Variants in GML observed in about 807,000 individuals in gnomAD.
GML encodes glycosylphosphatidylinositol anchored molecule like.
A neutral mutation model predicts 8.2 loss-of-function variants in GML; 5 were observed. The observed-to-expected ratio is 0.61, with a 90% CI of 0.32 to 1.28. The LOEUF (loss-of-function observed/expected upper bound fraction) is 1.28, where lower values mean the gene tolerates loss of function less well. GML is among the 50% of genes most tolerant of loss of function. The probability of loss-of-function intolerance (pLI) is 0.06; values close to 1 mark genes in which losing one functional copy is unlikely to be tolerated. For missense variants in GML, 191 were observed against 198.3 expected (o/e 0.96, Z 0.22); for synonymous variants, 72 against 69.0 (o/e 1.04, Z -0.22).
intron 1 of GML, among the ~76,000 whole-genome samples, chr8:142,837,584 A>G (rs1309433906): frequency 6.6e-6 from 1 of 150,622 alleles, no homozygotes; most frequent in Non-Finnish European, 1.5e-5. Context: ...TGGTCTCCCT[A>G]CCTGGCACTC....
intron 1 of GML, among the ~76,000 whole-genome samples, chr8:142,836,472 TTC>T (rs1816343458): frequency 1.3e-5 from 2 of 152,266 alleles, no homozygotes; most frequent in Admixed American, 1.3e-4. Flanking sequence ...AGTAATCTTT[TTC>T]TCTTTAATGC....
intron 3 of GML, among the ~76,000 whole-genome samples, chr8:142,846,093 C>A (rs1368571347): frequency 1.3e-5 from 2 of 152,136 alleles, no homozygotes; most frequent in African/African-American, 2.4e-5. Flanking sequence ...ATGAACAGGA[C>A]ATTTCATTGC....
intron 1 of GML, among the ~76,000 whole-genome samples, chr8:142,835,994 T>C (rs1348313500): frequency 6.6e-6 from 1 of 152,266 alleles, no homozygotes; most frequent in Non-Finnish European, 1.5e-5. Context: ...TCTGAAGCCA[T>C]CTTAAGCTTA....
Position 142,840,459 on chromosome 8 carries a change from C to T in GML, c.22C>T (p.Leu8=). Residue 8 remains leucine, a synonymous_variant, in exon 2 of 4, where the codon CTA becomes TTA. Transcript: ENST00000220940. ...AGTGATGCTCCTCTTTGCCTTACTC[C>T]TAGCCATGGAGCTCCCATTGGTGGC... The part of the protein sequence containing the change: MLLFALL[L]AMELPLVAAS... The T allele has an allele frequency of 6.2e-7, 1 of 1,613,756 alleles. No homozygotes were observed. The highest frequency in any genetic ancestry group is 1.3e-5 in the African/African-American group (1 of 75,056).
chr8:142,846,354 A>G, intron 3 of GML, 41 bp from the exon 4 acceptor site: 1 of 1,352,972 alleles, frequency 7.4e-7, no homozygotes, highest in Non-Finnish European at 1.0e-6. Flanking sequence ...ACAAGCAGAA[A>G]ATGTGAAATC....
intron 3 of GML, among the ~76,000 whole-genome samples, chr8:142,845,589 G>T (rs1816493934): frequency 2.6e-5 from 4 of 152,180 alleles, no homozygotes; most frequent in Admixed American, 2.0e-4. Context: ...GTAAACACTG[G>T]ATAGACTTCA....
chr8:142,843,626 A>G (rs1379003859), intron 3 of GML, among the ~76,000 whole-genome samples: 1 of 152,218 alleles, frequency 6.6e-6, no homozygotes. Context: ...TATCTTTAGG[A>G]AAGATCCTGG....
At chr8:142,841,342 A>T in intron 3 of GML, 117 bp downstream of exon 3, 1 of 674,048 alleles carries the variant, frequency 1.5e-6, no homozygotes. Flanking sequence ...CCCTTCCCTC[A>T]TGTCCTCCCA....
In GML at chr8:142,846,635, T is replaced by C; in HGVS notation, c.422T>C (p.Val141Ala). 1 of 1,613,998 alleles carries C rather than the reference T, an allele frequency of 6.2e-7. No homozygotes were observed. The highest frequency in any genetic ancestry group is 8.5e-7 in the Non-Finnish European group (1 of 1,179,916). ...CCAGAAGGAACTGTGAGGCTGGGGG[T>C]ATCAAAACTGTTGCTGAGTTTTGCC... ...ELPEGTVRLG[V>A]SKLLLSFASI... Residue 141 changes from valine to alanine, a missense_variant, in exon 4 of 4, where the codon GTA (valine) becomes GCA (alanine). Physicochemically the swap from Val to Ala is moderately conservative, Grantham distance 64. Coordinates refer to ENST00000220940, the MANE Select transcript of GML (RefSeq NM_002066.3).
chr8:142,837,065 A>G (rs963784516), intron 1 of GML, among the ~76,000 whole-genome samples: 2 of 152,174 alleles, frequency 1.3e-5, no homozygotes, highest in Admixed American at 6.5e-5. Context: ...AGGCTGAGGC[A>G]GGCAGATCAC....
chr8:142,841,991 GT>G (rs1359652238), intron 3 of GML, among the ~76,000 whole-genome samples: 2 of 152,134 alleles, frequency 1.3e-5, no homozygotes, highest in Non-Finnish European at 2.9e-5. Context: ...CCTCGGTGTG[GT>G]TTGGCTATGT....
At chr8:142,838,251 G>C (rs563271272) in intron 1 of GML, among the ~76,000 whole-genome samples, 2 of 152,136 alleles carry the variant, frequency 1.3e-5, no homozygotes, top group East Asian at 3.9e-4. Context: ...ACTTTTCAAG[G>C]CTGTATGTTT....
intron 1 of GML, among the ~76,000 whole-genome samples, chr8:142,835,329 G>A (rs1399673489): frequency 2.0e-5 from 3 of 152,038 alleles, no homozygotes; most frequent in African/African-American, 4.8e-5. Flanking sequence ...TCTGGGGCTG[G>A]GGCTCCGTTC....
chr8:142,840,328 G>C, intron 1 of GML, 88 bp from the exon 2 acceptor site: 1 of 788,482 alleles, frequency 1.3e-6, no homozygotes, highest in Admixed American at 1.9e-5. Flanking sequence ...GAGTCAGGGA[G>C]ACTCATGAGG....
At chr8:142,840,083 G>A (rs1204577260) in intron 1 of GML, among the ~76,000 whole-genome samples, 2 of 151,848 alleles carry the variant, frequency 1.3e-5, no homozygotes, top group South Asian at 2.1e-4. Flanking sequence ...ACAAGCCGCT[G>A]TTGAGGTTCA....
chr8:142,840,240 G>A (rs952323785), intron 1 of GML, among the ~76,000 whole-genome samples, 176 bp from the exon 2 acceptor site: 1 of 152,216 alleles, frequency 6.6e-6, no homozygotes, highest in African/African-American at 2.4e-5. Flanking sequence ...GAAGCCTCGT[G>A]TGTGGGTGAG....
At chr8:142,835,339 C>A (rs1033421812) in intron 1 of GML, among the ~76,000 whole-genome samples, 39 of 152,114 alleles carry the variant, frequency 2.6e-4, no homozygotes, top group Non-Finnish European at 5.3e-4. Context: ...GGGCTCCGTT[C>A]AGTTCTTGAG....
intron 3 of GML, among the ~76,000 whole-genome samples, chr8:142,843,692 C>G (rs894465322): frequency 6.6e-6 from 1 of 152,162 alleles, no homozygotes; most frequent in Non-Finnish European, 1.5e-5. Context: ...TTTTGTACAT[C>G]AAGAAACAGA....
rs1182304392 is a variant in GML at position 142,841,884 on chromosome 8, T to C, written c.181+659T>C. ...CTGGGGCTCTGCTCAGGGCCTTTCC[T>C]GTAGCCCTTTTGTCCCCGGTGTCTG... On this transcript the variant is annotated intron_variant, in intron 3 of 3. Transcript: ENST00000220940. 2.6e-5 allele frequency among the ~76,000 whole-genome samples: 4 copies of C among 152,324 alleles called. No homozygotes were observed. The East Asian group carries it at 7.7e-4, about 29-fold the overall frequency.
Sources: gnomAD v4.1 joint callset for allele counts (sites outside exome capture counted in the v4.1 genomes callset) on GRCh38, gnomAD v4.1.1 for gene constraint, MANE v1.5 for transcripts, NCBI Gene and HGNC (gene_info 2026-07-23, HGNC 2026-07-21) for gene names.